Variants in DACH1 observed in about 807,000 individuals in gnomAD.
The protein encoded by DACH1 is dachshund homolog 1.
DACH1 carries 12 observed loss-of-function variants against 54.2 expected under a neutral mutation model. That is an observed-to-expected ratio of 0.22 (90% CI 0.14 to 0.36). The LOEUF (loss-of-function observed/expected upper bound fraction) is 0.36, where lower values mean the gene tolerates loss of function less well. Ranked by LOEUF, DACH1 falls within the 10% of genes least tolerant of loss-of-function variation. The pLI, the probability that DACH1 is intolerant of heterozygous loss-of-function variation, is 1.00. For synonymous variants in DACH1, 386 were observed against 366.2 expected, an observed-to-expected ratio of 1.05 and a Z score of -0.62; for missense variants, 805 against 929.8, an observed-to-expected ratio of 0.87 and a Z score of 1.75.
chr13:71,606,519 GT>G (rs1417849987), intron 3 of DACH1, among the ~76,000 whole-genome samples: 1 of 152,008 alleles, frequency 6.6e-6, no homozygotes, highest in Non-Finnish European at 1.5e-5. Context: ...GAATACAAAG[GT>G]ATCAGGAGGT....
At chr13:71,578,733 C>A (rs1885687815) in intron 3 of DACH1, among the ~76,000 whole-genome samples, 1 of 152,068 alleles carries the variant, frequency 6.6e-6, no homozygotes, top group Non-Finnish European at 1.5e-5. Context: ...TTAAAATGTT[C>A]CTGTTTTAAG....
intron 1 of DACH1, among the ~76,000 whole-genome samples, chr13:71,847,163 A>C (rs2138252651): frequency 1.3e-5 from 2 of 152,308 alleles, no homozygotes; most frequent in Middle Eastern, 6.8e-3. Context: ...TATGGGAAGC[A>C]TCCAGGAATT....
intron 8 of DACH1, among the ~76,000 whole-genome samples, chr13:71,477,519 T>C (rs1385826542): frequency 7.2e-5 from 11 of 152,132 alleles, no homozygotes; most frequent in Admixed American, 5.9e-4. Context: ...AAATGTACAC[T>C]GGCTATGGTG....
chr13:71,836,732 G>T (rs1477373038), intron 1 of DACH1, among the ~76,000 whole-genome samples: 1 of 151,810 alleles, frequency 6.6e-6, no homozygotes, highest in Non-Finnish European at 1.5e-5. Context: ...AGTGAGGTAG[G>T]CCTCATTCTG....
intron 2 of DACH1, among the ~76,000 whole-genome samples, chr13:71,678,259 T>C (rs1279878879): frequency 6.6e-6 from 1 of 152,180 alleles, no homozygotes; most frequent in Non-Finnish European, 1.5e-5. Context: ...GTTATATACT[T>C]CTTGAGAATT....
chr13:71,595,138 T>G (rs987928190), intron 3 of DACH1, among the ~76,000 whole-genome samples: 4 of 152,024 alleles, frequency 2.6e-5, no homozygotes, highest in African/African-American at 9.7e-5. Flanking sequence ...ATGAAGAGGA[T>G]CTCAAGAAGA....
chr13:71,778,872 T>C (rs529595713), intron 1 of DACH1, among the ~76,000 whole-genome samples: 1 of 152,092 alleles, frequency 6.6e-6, no homozygotes, highest in Non-Finnish European at 1.5e-5. Flanking sequence ...AAATGATCAC[T>C]AAAGAAAGGC....
intron 1 of DACH1, among the ~76,000 whole-genome samples, chr13:71,766,828 T>C (rs1885649862): frequency 1.4e-5 from 2 of 142,266 alleles, no homozygotes; most frequent in African/African-American, 5.1e-5. Flanking sequence ...AGTTTCCTCC[T>C]GAGAAAAGGC....
chr13:71,819,076 C>A (rs1289133193), intron 1 of DACH1, among the ~76,000 whole-genome samples: 1 of 152,104 alleles, frequency 6.6e-6, no homozygotes, highest in Non-Finnish European at 1.5e-5. Flanking sequence ...CTGGGGCTGC[C>A]AGGTGTGGGA....
chr13:71,672,036 T>C (rs1488376861), intron 2 of DACH1, among the ~76,000 whole-genome samples: 1 of 152,170 alleles, frequency 6.6e-6, no homozygotes, highest in African/African-American at 2.4e-5. Flanking sequence ...GTTCTCTTAA[T>C]GCTCACAAGT....
chr13:71,758,617 A>ATGCAC (rs1885268400), intron 1 of DACH1, among the ~76,000 whole-genome samples: 1 of 152,192 alleles, frequency 6.6e-6, no homozygotes, highest in Admixed American at 6.5e-5. Flanking sequence ...ATACCTTGAA[A>ATGCAC]CGCACCACTT....
chr13:71,594,480 T>C lies in DACH1; in HGVS notation c.1127-21468A>G, dbSNP rs377394989. 1.2e-4 allele frequency among the ~76,000 whole-genome samples: 19 copies of C among 152,222 alleles called. No homozygotes were observed. In the East Asian group the frequency reaches 2.7e-3, roughly 22 times the overall value. On this transcript the variant is annotated intron_variant, in intron 3 of 10. Transcript: ENST00000613252. Reference sequence around the variant, plus strand: ...CTTCTATGACTAAACTCATAAGCTATAACATAAAAATTACTGTCAACAATG... The same window carrying C: ...CTTCTATGACTAAACTCATAAGCTACAACATAAAAATTACTGTCAACAATG...
intron 2 of DACH1, among the ~76,000 whole-genome samples, chr13:71,676,310 C>T (rs1343632774): frequency 3.3e-5 from 5 of 152,076 alleles, no homozygotes; most frequent in African/African-American, 4.8e-5. Flanking sequence ...CTCCTCTTTC[C>T]GAGTTCAGGC....
chr13:71,809,589 T>TA (rs1887634033), intron 1 of DACH1, among the ~76,000 whole-genome samples: 1 of 152,228 alleles, frequency 6.6e-6, no homozygotes, highest in South Asian at 2.1e-4. Context: ...AATATTTTTT[T>TA]AAATGAATGT....
At chr13:71,500,252 T>C (rs893008158) in intron 6 of DACH1, among the ~76,000 whole-genome samples, 1 of 152,058 alleles carries the variant, frequency 6.6e-6, no homozygotes, top group Admixed American at 6.6e-5. Context: ...GTCTCATAAA[T>C]CCAAGGCCTT....
chr13:71,839,948 T>C (rs1594286305), intron 1 of DACH1, among the ~76,000 whole-genome samples: 1 of 152,182 alleles, frequency 6.6e-6, no homozygotes, highest in East Asian at 1.9e-4. Flanking sequence ...TATTTATTTA[T>C]TTATTTTTAT....
rs1435429399 is a variant in DACH1, at chr13:71,578,544, CA to C, written c.1127-5533del. ...GCATGAGTTGCGGAAACAGTCCTTT[CA>C]TGAAAGTTATTGTAATATAGTCTTT... On this transcript the variant is annotated intron_variant, in intron 3 of 10. Coordinates refer to ENST00000613252, the MANE Select transcript of DACH1 (RefSeq NM_080759.6). Among the ~76,000 whole-genome samples the C allele has an allele frequency of 2.0e-5, 3 of 152,238 alleles. No homozygotes were observed. In the East Asian group the frequency reaches 5.8e-4, roughly 29 times the overall value.
intron 1 of DACH1, among the ~76,000 whole-genome samples, chr13:71,836,936 C>T (rs1446827501): frequency 6.6e-6 from 1 of 151,890 alleles, no homozygotes; most frequent in African/African-American, 2.4e-5. Flanking sequence ...GAAGAAATGC[C>T]TGTCATATAT....
chr13:71,816,396 C>G (rs1887922551), intron 1 of DACH1, among the ~76,000 whole-genome samples: 1 of 151,702 alleles, frequency 6.6e-6, no homozygotes, highest in Non-Finnish European at 1.5e-5. Context: ...CCATTTGACC[C>G]AGCAATCCCA....
Sources: gnomAD v4.1 joint callset for allele counts (sites outside exome capture counted in the v4.1 genomes callset) on GRCh38, gnomAD v4.1.1 for gene constraint, MANE v1.5 for transcripts, NCBI Gene and HGNC (gene_info 2026-07-23, HGNC 2026-07-21) for gene names.